ATP11A: variants seen among roughly 807,000 people sequenced by gnomAD.
ATP11A encodes phospholipid-transporting ATPase IH.
A neutral mutation model predicts 154.4 loss-of-function variants in ATP11A; 81 were observed. That is an observed-to-expected ratio of 0.52 (90% CI 0.44 to 0.63). The LOEUF is 0.63. ATP11A is among the 30% of genes least tolerant of loss of function. The pLI is 0.00. For synonymous variants in ATP11A, 623 were observed against 585.9 expected (o/e 1.06, Z -0.91); for missense variants, 1,316 against 1,474.3 (o/e 0.89, Z 1.76).
At chr13:112,798,042 A>G (rs936944211) in intron 2 of ATP11A, among the ~76,000 whole-genome samples, 6 of 152,006 alleles carry the variant, frequency 3.9e-5, no homozygotes, top group Non-Finnish European at 7.4e-5. Flanking sequence ...GGAGTGGGGG[A>G]AGGCTGTGTC....
chr13:112,754,969 C>T lies in ATP11A; in HGVS notation c.40-30166C>T, dbSNP rs116418833. ...TCCGCGGTGGGCGCAGAGCTCCTGC[C>T]GAGGGCTGGATGGCGCGGACCTGGG... On this transcript the variant is annotated intron_variant, in intron 1 of 29. Coordinates refer to ENST00000375645, the MANE Select transcript of ATP11A (RefSeq NM_015205.3). The surrounding 1 kb of genome is among the most constrained non-coding windows in gnomAD (Gnocchi z 5.3). Among the ~76,000 whole-genome samples, 2 of 152,126 alleles carry T rather than the reference C, an allele frequency of 1.3e-5. No individual in the cohort carries two copies. The highest frequency in any genetic ancestry group is 1.9e-4 in the East Asian group (1 of 5,186).
chr13:112,793,887 C>G (rs2077928229), intron 2 of ATP11A, among the ~76,000 whole-genome samples: 1 of 152,214 alleles, frequency 6.6e-6, no homozygotes, highest in South Asian at 2.1e-4. Flanking sequence ...ACACTGCTGG[C>G]AAGTAACACA....
intron 13 of ATP11A, among the ~76,000 whole-genome samples, chr13:112,831,758 C>T (rs1384634485): frequency 6.6e-6 from 1 of 152,226 alleles, no homozygotes; most frequent in African/African-American, 2.4e-5. Flanking sequence ...TTATGAAAAC[C>T]ATAGAAGCAG....
At chr13:112,845,683 A>T (rs1437562247) in intron 17 of ATP11A, among the ~76,000 whole-genome samples, 17 of 121,768 alleles carry the variant, frequency 1.4e-4, no homozygotes, top group African/African-American at 6.9e-4. Context: ...CACTAGCGGT[A>T]CTAACCAGTC....
rs1244246876 is a variant in ATP11A, at chr13:112,785,472, G to T, written c.162+215G>T. Among the ~76,000 whole-genome samples the T allele has an allele frequency of 1.3e-5, 2 of 151,970 alleles. No individual in the cohort carries two copies. The highest frequency in any genetic ancestry group is 2.9e-5 in the Non-Finnish European group (2 of 67,982). Reference sequence around the variant, plus strand: ...ACAGGAGGCTTTCCACCTGCCCAGGGCTCACAGCGCAGTGTCTCCATTCTC... The same window carrying T: ...ACAGGAGGCTTTCCACCTGCCCAGGTCTCACAGCGCAGTGTCTCCATTCTC... On this transcript the variant is annotated intron_variant, in intron 2 of 29. Transcript: ENST00000375645. This position sits in a 1 kb window ranked among gnomAD's most constrained non-coding sequence, Gnocchi z 4.8.
Position 112,785,283 on chromosome 13 carries a change from CATA to C in ATP11A, c.162+29_162+31del. 7.0e-7 allele frequency: 1 copy of C among 1,426,838 alleles called. No homozygotes were observed. The highest frequency in any genetic ancestry group is 9.2e-7 in the Non-Finnish European group (1 of 1,081,738). 88.4% of individuals were successfully genotyped at this position (1,426,838 alleles called of 1,614,324 possible). On this transcript the variant is annotated intron_variant, in intron 2 of 29. Coordinates refer to ENST00000375645, the MANE Select transcript of ATP11A (RefSeq NM_015205.3). This position sits in a 1 kb window ranked among gnomAD's most constrained non-coding sequence, Gnocchi z 4.8. ...GTAACTTGGCTTGGGTCTGAGTGTC[CATA>C]ATGTGTCTAAAAAGCAGCTGCCGGG...
At chr13:112,717,220 T>G (rs1888571152) in intron 1 of ATP11A, 1 of 152,234 alleles carries the variant, frequency 6.6e-6, no homozygotes, top group Non-Finnish European at 1.5e-5. Flanking sequence ...CTCATTTATT[T>G]GTAATAAAAG....
At chr13:112,869,202 C>T (rs2080433185) in intron 25 of ATP11A, among the ~76,000 whole-genome samples, 1 of 152,232 alleles carries the variant, frequency 6.6e-6, no homozygotes, top group Non-Finnish European at 1.5e-5. Flanking sequence ...AGTGGACTAG[C>T]TTCCAAAGGA....
intron 2 of ATP11A, among the ~76,000 whole-genome samples, chr13:112,798,125 C>G (rs759829096): frequency 2.0e-5 from 3 of 152,174 alleles, no homozygotes; most frequent in Non-Finnish European, 4.4e-5. Context: ...GGCACCTAAT[C>G]CCATTCATGA....
At chr13:112,800,690 T>G (rs1245617052) in intron 2 of ATP11A, among the ~76,000 whole-genome samples, 1 of 152,120 alleles carries the variant, frequency 6.6e-6, no homozygotes, top group Non-Finnish European at 1.5e-5. Context: ...AAAAAGATAT[T>G]ACCAGAAAGA....
At chr13:112,881,658 C>T (rs1039163576) in intron 29 of ATP11A, 19 of 1,205,470 alleles carry the variant, frequency 1.6e-5, no homozygotes, top group Middle Eastern at 3.4e-4. Flanking sequence ...GGGTGGATCC[C>T]GCCCGGCCTG....
At chr13:112,836,948 C>T (rs1054374368) in intron 16 of ATP11A, among the ~76,000 whole-genome samples, 1 of 152,246 alleles carries the variant, frequency 6.6e-6, no homozygotes, top group African/African-American at 2.4e-5. Context: ...GCGAGGAGCT[C>T]TCCCAGGCAC....
At chr13:112,848,751 G>A (rs191986886) in intron 17 of ATP11A, among the ~76,000 whole-genome samples, 19 of 152,194 alleles carry the variant, frequency 1.2e-4, no homozygotes, top group African/African-American at 3.9e-4. Flanking sequence ...GCAATGGCAC[G>A]ATCTCGGCTC....
chr13:112,805,196 AAAATGT>A, intron 3 of ATP11A, 150 bp downstream of exon 3: 1 of 578,056 alleles, frequency 1.7e-6, no homozygotes. Flanking sequence ...AAGGAAGGGC[AAAATGT>A]CTTGGTTCTG....
intron 25 of ATP11A, among the ~76,000 whole-genome samples, chr13:112,865,581 G>A (rs1007208634): frequency 2.0e-5 from 3 of 152,130 alleles, no homozygotes; most frequent in East Asian, 1.9e-4. Flanking sequence ...ACGGAGTCTC[G>A]CTCTGTTGCC....
rs2080958356 is a variant in ATP11A at position 112,885,323 on chromosome 13, G to T, written c.*3457G>T. On this transcript the variant is annotated 3_prime_UTR_variant, in exon 30 of 30. Transcript: ENST00000375645. ...GTGTATGCACAGCAGAGAGACGTAT[G>T]AGCTTCTACTGCACACATGCACACA... 6.6e-6 allele frequency: 1 copy of T among 151,970 alleles called. No individual in the cohort carries two copies. Among genetic ancestry groups the T allele is most frequent in the Non-Finnish European group, 1.5e-5 (1 of 68,018 alleles). 9.4% of individuals were successfully genotyped at this position (151,970 alleles called of 1,614,324 possible). A position where few individuals can be genotyped will look rare whatever the true frequency, so the allele number is the denominator to read the frequency against.
rs2080973272 is a variant in ATP11A, at chr13:112,885,939, A to C, written c.*4073A>C. The C allele has an allele frequency of 6.6e-6, 1 of 152,358 alleles. No homozygotes were observed. The highest frequency in any genetic ancestry group is 2.1e-4 in the South Asian group (1 of 4,832). 9.4% of individuals were successfully genotyped at this position (152,358 alleles called of 1,614,324 possible). ...GTGAGCAAGGCTTGGTGCCCTGGAC[A>C]AGGCCCTTCCCCTTTAGGGAGGTCC... On this transcript the variant is annotated 3_prime_UTR_variant, in exon 30 of 30. Coordinates refer to ENST00000375645, the MANE Select transcript of ATP11A (RefSeq NM_015205.3).
intron 25 of ATP11A, among the ~76,000 whole-genome samples, chr13:112,867,365 G>T (rs2080369533): frequency 6.6e-6 from 1 of 152,200 alleles, no homozygotes; most frequent in Non-Finnish European, 1.5e-5. Context: ...CCTCTGGGTT[G>T]CTCTAGTTCC....
At chr13:112,800,271 A>G (rs1377591088) in intron 2 of ATP11A, among the ~76,000 whole-genome samples, 1 of 152,296 alleles carries the variant, frequency 6.6e-6, no homozygotes, top group African/African-American at 2.4e-5. Flanking sequence ...ACAAGAGGAA[A>G]AGAAAAGAGA....
Sources: allele counts gnomAD v4.1 joint callset (sites outside exome capture counted in the v4.1 genomes callset), GRCh38; gene constraint gnomAD v4.1.1; non-coding constraint Gnocchi (gnomAD v3.1); transcripts MANE v1.5; gene names NCBI Gene and HGNC (gene_info 2026-07-23, HGNC 2026-07-21).